TTC5: variants seen among roughly 807,000 people sequenced by gnomAD.
TTC5 encodes the protein tetratricopeptide repeat domain 5.
TTC5 carries 46 observed loss-of-function variants against 57.4 expected under a neutral mutation model. That is an observed-to-expected ratio of 0.80 (90% confidence interval 0.63 to 1.03). TTC5 has a LOEUF of 1.03. TTC5 is among the 50% of genes least tolerant of loss of function. The probability of loss-of-function intolerance (pLI) is 0.00; values close to 1 mark genes in which losing one functional copy is unlikely to be tolerated. For synonymous variants in TTC5, 190 were observed against 203.5 expected, an observed-to-expected ratio of 0.93 and a Z score of 0.57; for missense variants, 504 against 528.1, an observed-to-expected ratio of 0.95 and a Z score of 0.45.
intron 9 of TTC5, 148 bp downstream of exon 9, chr14:20,291,835 T>C (rs1881959037): frequency 3.4e-6 from 2 of 589,374 alleles, no homozygotes; most frequent in Non-Finnish European, 4.7e-6. Context: ...CATATATATA[T>C]ATAAATAAAA....
chr14:20,287,927 T>C lies in TTC5; in HGVS notation c.*1700A>G, dbSNP rs1881871394. 6.6e-6 allele frequency: 1 copy of C among 152,232 alleles called. No individual in the cohort carries two copies. The highest frequency in any genetic ancestry group is 2.4e-5 in the African/African-American group (1 of 41,470). The allele number at this position is 152,232 out of a possible 1,614,324, so 9.4% of individuals were successfully genotyped here. ...AACTAATTTAAGACTCCATATGTGG[T>C]ATAACAGACAGTACTTCTAATAAAA... is the stretch of plus-strand genomic sequence containing the variant. On this transcript the variant is annotated 3_prime_UTR_variant, in exon 10 of 10. Transcript: ENST00000258821.
In TTC5 at chr14:20,292,085, C is replaced by T; in HGVS notation, c.1101G>A (p.Val367=). 2 of 1,590,556 alleles carry T rather than the reference C, an allele frequency of 1.3e-6. No homozygotes were observed. Among genetic ancestry groups the T allele is most frequent in the Non-Finnish European group, 1.7e-6 (2 of 1,168,256 alleles). Reference sequence around the variant, plus strand: ...AGCTCTGCACTATATTGTACACCATCACTGCATAGCAAGGTCCATCTGAAT... The same window carrying T: ...AGCTCTGCACTATATTGTACACCATTACTGCATAGCAAGGTCCATCTGAAT... ...LVDSDGPCYA[V]MVYNIVQSWG... Residue 367 remains valine (V), a synonymous_variant, in exon 9 of 10, where the codon GTG becomes GTA. Coordinates refer to ENST00000258821, the MANE Select transcript of TTC5 (RefSeq NM_138376.3).
rs550695661 is a variant in TTC5 at position 20,292,033 on chromosome 14, C to T, written c.1153G>A (p.Ala385Thr). ...AGCCGCAGGTTGGGCTCAGGAATGG[C>T]TACAGAGTCTCCAATGAGCACTCCC... Reference protein sequence around the residue: ...SWGVLIGDSVAIPEPNLRLHR... With the variant: ...SWGVLIGDSVTIPEPNLRLHR... Residue 385 changes from alanine (A) to threonine (T), a missense_variant, in exon 9 of 10, where the codon GCC becomes ACC. Coordinates refer to ENST00000258821, the MANE Select transcript of TTC5 (RefSeq NM_138376.3). 11 of 1,596,580 alleles carry T rather than the reference C, an allele frequency of 6.9e-6. No individual in the cohort carries two copies. The highest frequency in any genetic ancestry group is 9.4e-6 in the Non-Finnish European group (11 of 1,171,536).
At chr14:20,302,438 C>G (rs961932825) in intron 1 of TTC5, among the ~76,000 whole-genome samples, 1 of 152,204 alleles carries the variant, frequency 6.6e-6, no homozygotes, top group Non-Finnish European at 1.5e-5. Context: ...GAAAATACAA[C>G]ACAACCTTTG....
intron 9 of TTC5, among the ~76,000 whole-genome samples, chr14:20,291,054 CTT>C (rs60567066): frequency 0.059 from 8,913 of 152,066 alleles, 369 homozygotes; most frequent in Middle Eastern, 0.11. Flanking sequence ...AAACCACACT[CTT>C]GTTTTTCTTT....
rs35681155 is a variant in TTC5 at position 20,288,182 on chromosome 14, C to CAGATAGAT, written c.*1437_*1444dup. ...GCCTTTATGACTTCTTAGATAGAGA[C>CAGATAGAT]AGATAGATAGATAGATAGATAGACA... On this transcript the variant is annotated 3_prime_UTR_variant, in exon 10 of 10. Coordinates refer to ENST00000258821, the MANE Select transcript of TTC5 (RefSeq NM_138376.3). The CAGATAGAT allele has an allele frequency of 4.6e-5, 7 of 151,140 alleles. No individual in the cohort carries two copies. The highest frequency in any genetic ancestry group is 7.4e-5 in the Non-Finnish European group (5 of 67,598). The allele number at this position is 151,140 out of a possible 1,614,324, so 9.4% of individuals were successfully genotyped here.
intron 8 of TTC5, chr14:20,292,783 A>T (rs536367006): frequency 6.6e-6 from 1 of 152,214 alleles, no homozygotes; most frequent in Non-Finnish European, 1.5e-5. Flanking sequence ...CAAATATCTA[A>T]ATCAAAATTG....
At chr14:20,295,269 T>C in intron 8 of TTC5, 43 bp downstream of exon 8, 1 of 1,574,486 alleles carries the variant, frequency 6.4e-7, no homozygotes, top group South Asian at 1.1e-5. Context: ...TGAGAGCAAT[T>C]AGTTCAAAAG....
Position 20,291,963 on chromosome 14 carries a change from G to T in TTC5, c.1203+20C>A. 6.5e-7 allele frequency: 1 copy of T among 1,537,612 alleles called. No individual in the cohort carries two copies. Among genetic ancestry groups the T allele is most frequent in the Non-Finnish European group, 8.7e-7 (1 of 1,144,694 alleles). ...CTTTTAGAGCCTACGAGTTGTAAGA[G>T]AATCCTAGCCATTGCTCACCTTTCC... On this transcript the variant is annotated intron_variant, in intron 9 of 9. Transcript: ENST00000258821.
intron 3 of TTC5, among the ~76,000 whole-genome samples, chr14:20,300,116 A>G: frequency 7.7e-6 from 1 of 129,310 alleles, no homozygotes; most frequent in South Asian, 2.7e-4. Flanking sequence ...CTGGGATTAC[A>G]GGCATGAGTC....
At chr14:20,298,364 C>T (rs1439169188) in intron 5 of TTC5, among the ~76,000 whole-genome samples, 1 of 152,162 alleles carries the variant, frequency 6.6e-6, no homozygotes, top group African/African-American at 2.4e-5. Context: ...CATGGGAAAT[C>T]CAGAGCCATA....
chr14:20,301,769 A>T (rs537710805), intron 2 of TTC5, 64 bp downstream of exon 2: 62 of 1,597,992 alleles, frequency 3.9e-5, no homozygotes, highest in Non-Finnish European at 5.1e-5. Context: ...GTCAATGAGG[A>T]GGGAGCAAAG....
chr14:20,289,785 C>G (rs564659475), intron 9 of TTC5, 39 bp from the exon 10 acceptor site: 87 of 1,573,060 alleles, frequency 5.5e-5, no homozygotes, highest in Admixed American at 5.0e-4. Flanking sequence ...CTACAGATTC[C>G]AAGATGGAAA....
rs1244315643 is a variant in TTC5, at chr14:20,287,083, T to C, written c.*2544A>G. ...TAAGCACTTTGGAAATGTTTAGTGCTTCTCAAAAAAGTTGAACATGTATAT... is the reference window on the plus strand; with the variant it reads ...TAAGCACTTTGGAAATGTTTAGTGCCTCTCAAAAAAGTTGAACATGTATAT... On this transcript the variant is annotated 3_prime_UTR_variant, in exon 10 of 10. Coordinates refer to ENST00000258821, the MANE Select transcript of TTC5 (RefSeq NM_138376.3). 2 of 152,196 alleles carry C rather than the reference T, an allele frequency of 1.3e-5. No individual in the cohort carries two copies. Among genetic ancestry groups the C allele is most frequent in the Non-Finnish European group, 2.9e-5 (2 of 68,038 alleles). The allele number at this position is 152,196 out of a possible 1,614,324, so 9.4% of individuals were successfully genotyped here.
Position 20,302,988 on chromosome 14 carries a change from T to G in TTC5, c.52-1023A>C, listed in dbSNP as rs149528296. ...CCAAGGCAGACGGATCATGAAGAGA[T>G]CGAAACCATCCTGGCCATCATGGTG... is the stretch of plus-strand genomic sequence containing the variant. On this transcript the variant is annotated intron_variant, in intron 1 of 9. Transcript: ENST00000258821. Among the ~76,000 whole-genome samples the G allele has an allele frequency of 1.8e-4, 28 of 151,952 alleles. No homozygotes were observed. In the East Asian group the frequency reaches 4.3e-3, roughly 23 times the overall value.
In TTC5 at chr14:20,300,592, TA is replaced by T. The variant is rs2138816722; in HGVS notation, c.396+14del. 2 of 1,603,124 alleles carry T rather than the reference TA, an allele frequency of 1.2e-6. No individual in the cohort carries two copies. Among genetic ancestry groups the T allele is most frequent in the Non-Finnish European group, 1.7e-6 (2 of 1,177,264 alleles). On this transcript the variant is annotated intron_variant, in intron 3 of 9. Transcript: ENST00000258821. ...TTCCCATCTCTGCTTTCCAAAGGGA[TA>T]GGGGGCAGCTCACATGGGTGAGGGC... is the stretch of plus-strand genomic sequence containing the variant.
At chr14:20,301,062 C>G (rs1882180105) in intron 2 of TTC5, among the ~76,000 whole-genome samples, 1 of 152,218 alleles carries the variant, frequency 6.6e-6, no homozygotes, top group African/African-American at 2.4e-5. Flanking sequence ...CAAGGATCAG[C>G]TCGGTTGCTA....
rs139408556 is a variant in TTC5, at chr14:20,299,490, C to A, written c.397-42G>T. On this transcript the variant is annotated intron_variant, in intron 3 of 9. Coordinates refer to ENST00000258821, the MANE Select transcript of TTC5 (RefSeq NM_138376.3). ...CACATACTCAATCTTCCTGATTCTACCTCCCCTTTCCAGATCTATTCTGAA... is the reference window on the plus strand; with the variant it reads ...CACATACTCAATCTTCCTGATTCTAACTCCCCTTTCCAGATCTATTCTGAA... 1.5e-4 allele frequency: 238 copies of A among 1,592,650 alleles called. 3 individuals are homozygous for A. In the African/African-American group the frequency reaches 2.0e-3, roughly 13 times the overall value.
Position 20,301,849 on chromosome 14 carries a change from C to T in TTC5, c.168G>A (p.Gln56=), listed in dbSNP as rs1267477887. The T allele has an allele frequency of 1.2e-6, 2 of 1,614,092 alleles. No individual in the cohort carries two copies. Among genetic ancestry groups the T allele is most frequent in the East Asian group, 4.5e-5 (2 of 44,880 alleles). ...VQKEMEKTLQ[Q]MEEVVGSVQG... ...GGCTCATACCCACTACTTCTTCCAT[C>T]TGCTGTAGGGTTTTCTCCATCTCCT... is the stretch of plus-strand genomic sequence containing the variant. The change falls in exon 2 of 10, where the codon CAG becomes CAA. Residue 56 remains glutamine (Q), a synonymous_variant. Transcript: ENST00000258821.
Sources: allele counts gnomAD v4.1 joint callset (sites outside exome capture counted in the v4.1 genomes callset), GRCh38; gene constraint gnomAD v4.1.1; transcripts MANE v1.5; gene names NCBI Gene and HGNC (gene_info 2026-07-23, HGNC 2026-07-21).